The following ZNF257 variants were observed in gnomAD, a reference collection of about 807,000 sequenced individuals.
ZNF257 encodes bone marrow zinc finger 4.
Under a neutral mutation model 11.9 loss-of-function variants are expected in ZNF257, and 12 were observed. That is an observed-to-expected ratio of 1.01 (90% CI 0.65 to 1.63). The LOEUF (loss-of-function observed/expected upper bound fraction) is 1.63, where lower values mean the gene tolerates loss of function less well. Among genes scored for constraint, ZNF257 ranks in the 40% most tolerant of loss-of-function variants. The pLI is 0.00. For synonymous variants in ZNF257, 183 were observed against 222.7 expected, an observed-to-expected ratio of 0.82 and a Z score of 1.59; for missense variants, 580 against 665.5, an observed-to-expected ratio of 0.87 and a Z score of 1.41.
At chr19:22,062,062 ATTT>A (rs57092171) in intron 1 of ZNF257, among the ~76,000 whole-genome samples, 7 of 139,864 alleles carry the variant, frequency 5.0e-5, no homozygotes, top group African/African-American at 5.3e-5. Flanking sequence ...TTTGCTGAGG[ATTT>A]TTTTTTTTTT....
chr19:22,054,961 GAGTGTAGCCTATTAAGA>G (rs1486797913), intron 1 of ZNF257, among the ~76,000 whole-genome samples: 1 of 148,330 alleles, frequency 6.7e-6, no homozygotes, highest in Admixed American at 6.8e-5. Context: ...CTGAGTTATG[GAGTGTAGCCTATTAAGA>G]AAGAAGGTGG....
At position 22,071,707 on chromosome 19, in the gene ZNF257, C is replaced by T. The variant is rs149759540; in HGVS notation, c.4-1102C>T. ...CTACATCATGGCTCCTTCTATGCCA[C>T]GCAGAATTTTCTTCATGGATTTATA... is the stretch of plus-strand genomic sequence containing the variant. On this transcript the variant is annotated intron_variant, in intron 1 of 3. Transcript: ENST00000594947. 3.0e-3 allele frequency among the ~76,000 whole-genome samples: 459 copies of T among 152,148 alleles called. 2 individuals carry two copies. The highest frequency in any genetic ancestry group is 9.0e-3 in the African/African-American group (372 of 41,476).
At chr19:22,077,060 T>C (rs1210767928) in intron 3 of ZNF257, among the ~76,000 whole-genome samples, 1 of 152,148 alleles carries the variant, frequency 6.6e-6, no homozygotes, top group Admixed American at 6.5e-5. Context: ...ACATCTATAA[T>C]ACCAGGATTT....
At chr19:22,056,654 A>C (rs2021649876) in intron 1 of ZNF257, among the ~76,000 whole-genome samples, 8 of 150,782 alleles carry the variant, frequency 5.3e-5, no homozygotes, top group Admixed American at 5.3e-4. Flanking sequence ...TTTTTTTTGT[A>C]TTTTTAGTAG....
chr19:22,064,911 G>A (rs1045625326), intron 1 of ZNF257, among the ~76,000 whole-genome samples: 14 of 151,894 alleles, frequency 9.2e-5, no homozygotes, highest in Admixed American at 6.6e-5. Flanking sequence ...AAAATTAGAC[G>A]GGTGTGGTGG....
At chr19:22,087,179 G>A (rs2145719692) in intron 3 of ZNF257, among the ~76,000 whole-genome samples, 1 of 151,010 alleles carries the variant, frequency 6.6e-6, no homozygotes, top group East Asian at 1.9e-4. Context: ...GTTTGATGGG[G>A]CCATGTTGCC....
intron 1 of ZNF257, among the ~76,000 whole-genome samples, chr19:22,058,296 A>G (rs932905627): frequency 1.3e-5 from 2 of 150,926 alleles, no homozygotes; most frequent in African/African-American, 4.9e-5. Context: ...CTATACATTT[A>G]TTCCATTTTG....
At chr19:22,078,041 C>T (rs2022269024) in intron 3 of ZNF257, among the ~76,000 whole-genome samples, 3 of 150,742 alleles carry the variant, frequency 2.0e-5, no homozygotes, top group Admixed American at 1.3e-4. Flanking sequence ...AGTTTGAGAC[C>T]GGACTGGCCA....
chr19:22,077,327 G>C (rs947093747), intron 3 of ZNF257, among the ~76,000 whole-genome samples: 1 of 151,858 alleles, frequency 6.6e-6, no homozygotes, highest in Non-Finnish European at 1.5e-5. Context: ...TCAAAAAAAT[G>C]GTATACATTT....
chr19:22,070,163 AC>A (rs527288464), intron 1 of ZNF257, among the ~76,000 whole-genome samples: 78 of 152,300 alleles, frequency 5.1e-4, no homozygotes, highest in African/African-American at 1.8e-3. Flanking sequence ...TTTTATTAAA[AC>A]CAGTGCTTGC....
At chr19:22,059,651 T>TG (rs1490212310) in intron 1 of ZNF257, among the ~76,000 whole-genome samples, 3 of 141,478 alleles carry the variant, frequency 2.1e-5, no homozygotes, top group Non-Finnish European at 4.7e-5. Context: ...TTCTTTTTTT[T>TG]TTTTTTTTAA....
intron 3 of ZNF257, among the ~76,000 whole-genome samples, chr19:22,074,944 C>T (rs776046882): frequency 8.5e-5 from 13 of 152,166 alleles, no homozygotes; most frequent in Non-Finnish European, 1.6e-4. Flanking sequence ...AAAATAGAAG[C>T]ATTGACAAGG....
At chr19:22,059,648 T>C (rs958834400) in intron 1 of ZNF257, among the ~76,000 whole-genome samples, 4 of 150,802 alleles carry the variant, frequency 2.7e-5, no homozygotes, top group Non-Finnish European at 4.4e-5. Context: ...CTTTTCTTTT[T>C]TTTTTTTTTT....
At chr19:22,071,183 C>G (rs556163198) in intron 1 of ZNF257, among the ~76,000 whole-genome samples, 239 of 152,180 alleles carry the variant, frequency 1.6e-3, no homozygotes, top group African/African-American at 5.4e-3. Context: ...CCCATATTAC[C>G]ATTACTGTAG....
chr19:22,076,275 TTATA>T (rs1195317857), intron 3 of ZNF257, among the ~76,000 whole-genome samples: 1 of 149,608 alleles, frequency 6.7e-6, no homozygotes, highest in African/African-American at 2.4e-5. Flanking sequence ...ATATATTAAA[TTATA>T]TATACAAAAT....
intron 1 of ZNF257, among the ~76,000 whole-genome samples, chr19:22,055,415 A>G (rs1025383872): frequency 6.6e-6 from 1 of 152,090 alleles, no homozygotes; most frequent in African/African-American, 2.4e-5. Context: ...CATGTTGGCC[A>G]GGCTGGTCTT....
At chr19:22,055,004 G>A (rs1419007622) in intron 1 of ZNF257, among the ~76,000 whole-genome samples, 1 of 150,740 alleles carries the variant, frequency 6.6e-6, no homozygotes, top group Non-Finnish European at 1.5e-5. Context: ...CCAGGGCTGA[G>A]AGGAGTCTCC....
At chr19:22,060,007 G>A (rs2021751252) in intron 1 of ZNF257, among the ~76,000 whole-genome samples, 1 of 152,140 alleles carries the variant, frequency 6.6e-6, no homozygotes, top group Admixed American at 6.5e-5. Context: ...TGGATTAGAG[G>A]CATGAGTCAC....
intron 3 of ZNF257, among the ~76,000 whole-genome samples, chr19:22,077,889 A>G (rs2022263706): frequency 1.3e-5 from 2 of 152,012 alleles, no homozygotes; most frequent in African/African-American, 4.8e-5. Context: ...AACAATCGAC[A>G]TGGGTTTCAT....
Sources: gnomAD v4.1 joint callset for allele counts (sites outside exome capture counted in the v4.1 genomes callset) on GRCh38, gnomAD v4.1.1 for gene constraint, MANE v1.5 for transcripts, NCBI Gene and HGNC (gene_info 2026-07-23, HGNC 2026-07-21) for gene names.